The following GLRB variants were observed in gnomAD, a reference collection of about 807,000 sequenced individuals.
The protein encoded by GLRB is glycine receptor beta, also known as glycine receptor subunit beta.
GLRB carries 33 observed loss-of-function variants against 54.2 expected under a neutral mutation model. The ratio of observed to expected loss-of-function variants is 0.61; its 90% CI spans 0.46 to 0.81. GLRB has a LOEUF of 0.81. Among genes scored for constraint, GLRB ranks in the 40% least tolerant of loss-of-function variants. The pLI is 0.00. For synonymous variants in GLRB, 209 were observed against 208.2 expected, an observed-to-expected ratio of 1.00 and a Z score of -0.03; for missense variants, 572 against 584.6, an observed-to-expected ratio of 0.98 and a Z score of 0.22.
At chr4:157,105,555 C>A (rs1019582068) in intron 2 of GLRB, among the ~76,000 whole-genome samples, 5 of 151,820 alleles carry the variant, frequency 3.3e-5, no homozygotes, top group Admixed American at 3.3e-4. Flanking sequence ...TGTTAAAGTT[C>A]ACTGTTTCTT....
At chr4:157,096,722 A>G (rs1334633835) in intron 2 of GLRB, among the ~76,000 whole-genome samples, 2 of 152,190 alleles carry the variant, frequency 1.3e-5, no homozygotes, top group African/African-American at 4.8e-5. Context: ...TTCAACAGAG[A>G]TAGTCTTCTT....
At chr4:157,124,128 G>T (rs1735929989) in intron 4 of GLRB, among the ~76,000 whole-genome samples, 1 of 151,604 alleles carries the variant, frequency 6.6e-6, no homozygotes, top group Admixed American at 6.6e-5. Flanking sequence ...TGATGATTAT[G>T]ATAAAATATT....
Position 157,105,911 on chromosome 4 carries a change from T to A in GLRB, c.123-14645T>A, listed in dbSNP as rs528638129. Among the ~76,000 whole-genome samples, 3 of 152,214 alleles carry A rather than the reference T, an allele frequency of 2.0e-5. No individual in the cohort carries two copies. The East Asian group carries it at 5.8e-4, about 29-fold the overall frequency. ...TGTGTATCCTTAAATCGAAAGTAGA[T>A]CTCTTTTTTAAAAAAATTATATCAA... On this transcript the variant is annotated intron_variant, in intron 2 of 9. Transcript: ENST00000264428.
At chr4:157,149,559 C>T (rs1409580032) in intron 8 of GLRB, among the ~76,000 whole-genome samples, 1 of 151,736 alleles carries the variant, frequency 6.6e-6, no homozygotes, top group Non-Finnish European at 1.5e-5. Flanking sequence ...GTCAAAGTTC[C>T]CTTTCCTTTT....
At chr4:157,096,442 A>G (rs1734814611) in intron 2 of GLRB, among the ~76,000 whole-genome samples, 1 of 152,230 alleles carries the variant, frequency 6.6e-6, no homozygotes, top group Non-Finnish European at 1.5e-5. Flanking sequence ...GTGGGAAAAC[A>G]TAGAATTTCT....
At chr4:157,157,072 G>T (rs533837710) in intron 9 of GLRB, among the ~76,000 whole-genome samples, 3 of 152,250 alleles carry the variant, frequency 2.0e-5, no homozygotes, top group Non-Finnish European at 4.4e-5. Flanking sequence ...TCCCCATGTT[G>T]TCTCTACCAA....
At chr4:157,156,915 G>C (rs1199819776) in intron 9 of GLRB, among the ~76,000 whole-genome samples, 1 of 152,108 alleles carries the variant, frequency 6.6e-6, no homozygotes, top group Non-Finnish European at 1.5e-5. Context: ...TAAGCCTTCT[G>C]TTTTAACTTG....
At chr4:157,149,834 T>G (rs2126595977) in intron 8 of GLRB, among the ~76,000 whole-genome samples, 1 of 152,168 alleles carries the variant, frequency 6.6e-6, no homozygotes, top group Admixed American at 6.5e-5. Flanking sequence ...ATTTCTTTTC[T>G]TTTCCTTTCT....
chr4:157,120,448 T>C (rs1735771332), intron 2 of GLRB, 108 bp from the exon 3 acceptor site: 1 of 497,504 alleles, frequency 2.0e-6, no homozygotes, highest in East Asian at 3.7e-5. Context: ...AGCCATACTA[T>C]AGTTGTGGAT....
intron 2 of GLRB, among the ~76,000 whole-genome samples, chr4:157,108,095 A>T (rs1248831967): frequency 6.6e-6 from 1 of 152,156 alleles, no homozygotes; most frequent in South Asian, 2.1e-4. Context: ...AGGAAAAAAG[A>T]CTCATTTTCA....
chr4:157,119,927 T>C (rs1265910293), intron 2 of GLRB, among the ~76,000 whole-genome samples: 1 of 151,808 alleles, frequency 6.6e-6, no homozygotes, highest in African/African-American at 2.4e-5. Flanking sequence ...TAAAGACACA[T>C]GCACACATAT....
intron 2 of GLRB, among the ~76,000 whole-genome samples, chr4:157,107,979 C>T (rs1735284760): frequency 6.6e-6 from 1 of 152,064 alleles, no homozygotes; most frequent in Non-Finnish European, 1.5e-5. Flanking sequence ...GCAAAATCTA[C>T]TCTCTTTGTG....
At chr4:157,151,945 G>T (rs1473149732) in intron 8 of GLRB, among the ~76,000 whole-genome samples, 2 of 152,010 alleles carry the variant, frequency 1.3e-5, no homozygotes, top group Non-Finnish European at 2.9e-5. Context: ...ATGCCAATAG[G>T]TTATAGCTAT....
In GLRB at chr4:157,123,845, C is replaced by T. The variant is rs138757389; in HGVS notation, c.297+1448C>T. ...CAGAAACACAGCTATGAAGATATTG[C>T]GTCTTATAGGAAACATCCCCACTCT... On this transcript the variant is annotated intron_variant, in intron 4 of 9. Coordinates refer to ENST00000264428, the MANE Select transcript of GLRB (RefSeq NM_000824.5). Among the ~76,000 whole-genome samples, 307 of 151,748 alleles carry T rather than the reference C, an allele frequency of 2.0e-3. 1 individual carries two copies. The highest frequency in any genetic ancestry group is 6.9e-3 in the African/African-American group (287 of 41,452).
intron 7 of GLRB, among the ~76,000 whole-genome samples, chr4:157,142,428 C>T (rs1736652098): frequency 6.6e-6 from 1 of 152,064 alleles, no homozygotes; most frequent in Admixed American, 6.6e-5. Context: ...TACATATTAG[C>T]TCTACTGTCT....
At chr4:157,121,440 A>G (rs1735815408) in intron 3 of GLRB, among the ~76,000 whole-genome samples, 1 of 150,304 alleles carries the variant, frequency 6.7e-6, no homozygotes, top group East Asian at 2.0e-4. Context: ...AGATCAGATT[A>G]ACATTATAAG....
At chr4:157,078,822 A>T (rs561941916) in intron 2 of GLRB, among the ~76,000 whole-genome samples, 1 of 152,084 alleles carries the variant, frequency 6.6e-6, no homozygotes, top group Non-Finnish European at 1.5e-5. Flanking sequence ...CCCAGGCTGG[A>T]GTGCAGTGGC....
chr4:157,126,240 A>G (rs567465140), intron 4 of GLRB, among the ~76,000 whole-genome samples: 1 of 152,012 alleles, frequency 6.6e-6, no homozygotes, highest in East Asian at 2.0e-4. Flanking sequence ...CTCTAAATTT[A>G]GATGCTAAAT....
intron 2 of GLRB, among the ~76,000 whole-genome samples, chr4:157,108,281 A>G (rs1383363206): frequency 6.6e-6 from 1 of 152,150 alleles, no homozygotes; most frequent in Non-Finnish European, 1.5e-5. Context: ...CTAAGGCTAT[A>G]TCTATCATAG....
Sources: allele counts gnomAD v4.1 joint callset (sites outside exome capture counted in the v4.1 genomes callset), GRCh38; gene constraint gnomAD v4.1.1; transcripts MANE v1.5; gene names NCBI Gene and HGNC (gene_info 2026-07-23, HGNC 2026-07-21).